PDE3A: variants seen among roughly 807,000 people sequenced by gnomAD.
PDE3A encodes the protein cGMP-inhibited 3',5'-cyclic phosphodiesterase 3A.
A neutral mutation model predicts 98.3 loss-of-function variants in PDE3A; 43 were observed. The ratio of observed to expected loss-of-function variants is 0.44; its 90% CI spans 0.34 to 0.56. The LOEUF is 0.56. PDE3A is among the 20% of genes least tolerant of loss of function. The probability of loss-of-function intolerance (pLI) is 0.01; values close to 1 mark genes in which losing one functional copy is unlikely to be tolerated. For synonymous variants in PDE3A, 663 were observed against 567.9 expected (o/e 1.17, Z -2.38); for missense variants, 1,427 against 1,440.7 (o/e 0.99, Z 0.15).
chr12:20,463,964 A>G (rs1054777496), intron 1 of PDE3A, among the ~76,000 whole-genome samples: 1 of 152,196 alleles, frequency 6.6e-6, no homozygotes, highest in Non-Finnish European at 1.5e-5. Context: ...GACACCCTTT[A>G]TAGATGGATT....
chr12:20,607,644 G>A (rs1943745353), intron 2 of PDE3A, among the ~76,000 whole-genome samples: 1 of 151,784 alleles, frequency 6.6e-6, no homozygotes, highest in Non-Finnish European at 1.5e-5. Flanking sequence ...TGCATTTTCT[G>A]AAATGTTAAA....
intron 1 of PDE3A, among the ~76,000 whole-genome samples, chr12:20,452,579 G>A (rs1945084953): frequency 6.6e-6 from 1 of 152,184 alleles, no homozygotes; most frequent in African/African-American, 2.4e-5. Flanking sequence ...GTTACCGCAG[G>A]ACTTGACAAA....
chr12:20,592,531 A>T (rs558781951), intron 2 of PDE3A, among the ~76,000 whole-genome samples: 8 of 152,270 alleles, frequency 5.3e-5, no homozygotes, highest in Admixed American at 4.6e-4. Context: ...ATTATAACGA[A>T]AGCCACTTTC....
At chr12:20,460,991 A>G (rs544009144) in intron 1 of PDE3A, among the ~76,000 whole-genome samples, 1 of 152,258 alleles carries the variant, frequency 6.6e-6, no homozygotes, top group East Asian at 1.9e-4. Flanking sequence ...AGGCTACAGT[A>G]TTTCTTGAAA....
chr12:20,377,653 C>T (rs896452979), intron 1 of PDE3A, among the ~76,000 whole-genome samples: 6 of 151,746 alleles, frequency 4.0e-5, no homozygotes, highest in African/African-American at 1.5e-4. Context: ...ATCTTGATAG[C>T]TCATTTTTGT....
chr12:20,429,213 T>C (rs1324919199), intron 1 of PDE3A, among the ~76,000 whole-genome samples: 1 of 152,232 alleles, frequency 6.6e-6, no homozygotes, highest in East Asian at 1.9e-4. Context: ...ACGGGGTTTC[T>C]AGGTATTCCT....
At chr12:20,575,876 T>A (rs181282757) in intron 2 of PDE3A, among the ~76,000 whole-genome samples, 3,638 of 151,976 alleles carry the variant, frequency 0.024, 129 homozygotes, top group African/African-American at 0.082. Flanking sequence ...GGGTCTTTTT[T>A]AAAAAAATGT....
rs958247584 is a variant in PDE3A at position 20,552,941 on chromosome 12, C to T, written c.961-3719C>T. On this transcript the variant is annotated intron_variant, in intron 1 of 15. Transcript: ENST00000359062. This position sits in a 1 kb window ranked among gnomAD's most constrained non-coding sequence, Gnocchi z 5.1. ...CGCTACGACCTGGGCCGCAGCTATG[C>T]CATGCAGGTGAACCAGCCTCTGCAG... 12 of 1,572,402 alleles carry T rather than the reference C, an allele frequency of 7.6e-6. 2 individuals carry two copies. Among genetic ancestry groups the T allele is most frequent in the Middle Eastern group, 3.5e-4 (2 of 5,774 alleles).
chr12:20,369,951 A>C lies in PDE3A; in HGVS notation c.667A>C (p.Thr223Pro). The C allele has an allele frequency of 6.2e-7, 1 of 1,613,366 alleles. No individual in the cohort carries two copies. Among genetic ancestry groups the C allele is most frequent in the Non-Finnish European group, 8.5e-7 (1 of 1,179,968 alleles). ...GATCGCCTTGACTAGCGCGGTCAGGACCGTGTCCCTCATTTCCTTAGAGAG... is the reference window on the plus strand; with the variant it reads ...GATCGCCTTGACTAGCGCGGTCAGGCCCGTGTCCCTCATTTCCTTAGAGAG... ...LMIALTSAVRTVSLISLERFK... is the reference protein window; with the variant it reads ...LMIALTSAVRPVSLISLERFK... Residue 223 changes from threonine to proline, a missense_variant, in exon 1 of 16, where the codon ACC becomes CCC. By Grantham distance (38) the Thr-to-Pro change is conservative. Transcript: ENST00000359062.
intron 1 of PDE3A, among the ~76,000 whole-genome samples, chr12:20,440,622 T>C (rs1300946829): frequency 1.3e-5 from 2 of 152,186 alleles, no homozygotes; most frequent in Non-Finnish European, 2.9e-5. Context: ...TACTACAGCC[T>C]GGACAAAGGG....
chr12:20,427,640 G>A (rs947565103), intron 1 of PDE3A, among the ~76,000 whole-genome samples: 4 of 151,806 alleles, frequency 2.6e-5, no homozygotes, highest in African/African-American at 9.7e-5. Context: ...GCAATAAATA[G>A]GCTTCAAAAT....
chr12:20,403,407 G>C (rs1415574250), intron 1 of PDE3A, among the ~76,000 whole-genome samples: 1 of 152,112 alleles, frequency 6.6e-6, no homozygotes, highest in Non-Finnish European at 1.5e-5. Context: ...ACTTAACCAT[G>C]CTTGTCAGGT....
In PDE3A at chr12:20,498,908, A is replaced by G. The variant is rs571947383; in HGVS notation, c.961-57752A>G. On this transcript the variant is annotated intron_variant, in intron 1 of 15. Coordinates refer to ENST00000359062, the MANE Select transcript of PDE3A (RefSeq NM_000921.5). The stretch of plus-strand genomic sequence containing the variant: ...CAGTATGGATGCAAAAAGGAACAGC[A>G]GTAAAGGCAAGAATGTAAAGTCATT... 4.9e-3 allele frequency among the ~76,000 whole-genome samples: 745 copies of G among 152,294 alleles called. 5 individuals carry two copies. Among genetic ancestry groups the G allele is most frequent in the Non-Finnish European group, 8.2e-3 (560 of 68,012 alleles).
intron 1 of PDE3A, among the ~76,000 whole-genome samples, chr12:20,372,299 CTG>C (rs1429874387): frequency 2.6e-5 from 4 of 152,082 alleles, no homozygotes; most frequent in South Asian, 2.1e-4. Context: ...TTTTTAAAGA[CTG>C]TGTTAATGAA....
chr12:20,591,845 G>A (rs1003817805), intron 2 of PDE3A, among the ~76,000 whole-genome samples: 4 of 152,196 alleles, frequency 2.6e-5, no homozygotes, highest in Admixed American at 2.0e-4. Flanking sequence ...AATAATCGTG[G>A]TGGCTGTCCA....
At chr12:20,397,473 G>A (rs1944039539) in intron 1 of PDE3A, among the ~76,000 whole-genome samples, 1 of 151,918 alleles carries the variant, frequency 6.6e-6, no homozygotes, top group Non-Finnish European at 1.5e-5. Context: ...AACTGAGTTT[G>A]TTTCCTATAA....
chr12:20,426,898 CA>C (rs1944609801), intron 1 of PDE3A, among the ~76,000 whole-genome samples: 1 of 152,144 alleles, frequency 6.6e-6, no homozygotes, highest in Non-Finnish European at 1.5e-5. Flanking sequence ...TTAAATCCCC[CA>C]AAAGTTCATT....
chr12:20,370,297 A>AC, intron 1 of PDE3A, 53 bp downstream of exon 1: 1 of 1,467,038 alleles, frequency 6.8e-7, no homozygotes, highest in South Asian at 1.5e-5. Flanking sequence ...ACACTTGGCA[A>AC]CCGGCGCAGA....
chr12:20,613,694 T>A lies in PDE3A; in HGVS notation c.1263T>A (p.Ile421=), dbSNP rs757337894. The change falls in exon 3 of 16, where the codon ATT becomes ATA. Residue 421 remains isoleucine (I), a synonymous_variant. Coordinates refer to ENST00000359062, the MANE Select transcript of PDE3A (RefSeq NM_000921.5). ...EESSEKDKLA[I]PKRLRRSLPP... is the part of the protein sequence containing the mutation. The stretch of plus-strand genomic sequence containing the variant: ...GCTCTGAAAAAGACAAGCTTGCTAT[T>A]CCAAAGGTAGGTAGTAATGACATAC... The A allele has an allele frequency of 1.2e-6, 2 of 1,613,696 alleles. No individual in the cohort carries two copies. Among genetic ancestry groups the A allele is most frequent in the Admixed American group, 3.3e-5 (2 of 60,018 alleles).
Sources: gnomAD v4.1 joint callset for allele counts (sites outside exome capture counted in the v4.1 genomes callset) on GRCh38, gnomAD v4.1.1 for gene constraint, Gnocchi (gnomAD v3.1) non-coding constraint, MANE v1.5 for transcripts, NCBI Gene and HGNC (gene_info 2026-07-23, HGNC 2026-07-21) for gene names.